B3GALT1: variants seen among roughly 807,000 people sequenced by gnomAD.
B3GALT1 encodes beta-1,3-galactosyltransferase 1.
In B3GALT1, 10 loss-of-function variants were observed where a neutral mutation model predicts 23.2. That is an observed-to-expected ratio of 0.43 (90% confidence interval 0.27 to 0.73). The LOEUF is 0.73. B3GALT1 is among the 30% of genes least tolerant of loss of function. B3GALT1 has a pLI of 0.21. For missense variants in B3GALT1, 299 were observed against 405.4 expected, an observed-to-expected ratio of 0.74 and a Z score of 2.25; for synonymous variants, 156 against 141.5, an observed-to-expected ratio of 1.10 and a Z score of -0.73.
intron 2 of B3GALT1, among the ~76,000 whole-genome samples, chr2:167,533,208 A>G (rs1480917854): frequency 6.6e-6 from 1 of 151,930 alleles, no homozygotes; most frequent in African/African-American, 2.4e-5. Context: ...CACTTGACTC[A>G]TTTCACTAGC....
Position 167,645,399 on chromosome 2 carries a change from A to G in B3GALT1, c.-409-1510A>G, listed in dbSNP as rs183310646. Among the ~76,000 whole-genome samples the G allele has an allele frequency of 6.9e-4, 105 of 152,254 alleles. 3 individuals carry two copies. The Middle Eastern group carries it at 0.02, about 30-fold the overall frequency. ...TGATGCAGACAAGATAAAATATTTA[A>G]CTATCAAATTATGAACACAGAAAGG... On this transcript the variant is annotated intron_variant, in intron 2 of 4. Transcript: ENST00000392690.
chr2:167,323,287 A>G (rs1696841213), intron 1 of B3GALT1, among the ~76,000 whole-genome samples: 1 of 152,070 alleles, frequency 6.6e-6, no homozygotes, highest in Non-Finnish European at 1.5e-5. Context: ...ATATACGAAA[A>G]ATTCATTTTA....
At chr2:167,743,657 G>C (rs896012042) in intron 3 of B3GALT1, among the ~76,000 whole-genome samples, 1 of 151,776 alleles carries the variant, frequency 6.6e-6, no homozygotes, top group Admixed American at 6.6e-5. Flanking sequence ...CTGATATATT[G>C]GTAGTTTATG....
intron 3 of B3GALT1, among the ~76,000 whole-genome samples, chr2:167,703,411 A>G (rs934066329): frequency 1.3e-5 from 2 of 152,194 alleles, no homozygotes; most frequent in South Asian, 2.1e-4. Flanking sequence ...CCCCTGACCC[A>G]TGCTGAAGTG....
chr2:167,369,552 A>C (rs1453362145), intron 1 of B3GALT1, among the ~76,000 whole-genome samples: 1 of 152,212 alleles, frequency 6.6e-6, no homozygotes, highest in Non-Finnish European at 1.5e-5. Flanking sequence ...TCACTACCAA[A>C]TCAACTGAGC....
At chr2:167,393,106 T>C (rs112077278) in intron 1 of B3GALT1, among the ~76,000 whole-genome samples, 12,533 of 151,952 alleles carry the variant, frequency 0.082, 1,122 homozygotes, top group African/African-American at 0.22. Flanking sequence ...TGGTGGTGGG[T>C]GCCTGTAGTC....
intron 1 of B3GALT1, among the ~76,000 whole-genome samples, chr2:167,383,723 C>A (rs993344562): frequency 6.6e-6 from 1 of 152,172 alleles, no homozygotes; most frequent in Non-Finnish European, 1.5e-5. Context: ...CTTAGTCTGG[C>A]TGGTATAACT....
intron 3 of B3GALT1, among the ~76,000 whole-genome samples, chr2:167,700,556 A>G (rs184122566): frequency 3.9e-5 from 6 of 152,320 alleles, no homozygotes; most frequent in Admixed American, 3.9e-4. Context: ...TCTAAAGTGT[A>G]TTAGTATGAT....
intron 4 of B3GALT1, among the ~76,000 whole-genome samples, chr2:167,854,603 G>C (rs1302910475): frequency 6.6e-6 from 1 of 152,162 alleles, no homozygotes; most frequent in Admixed American, 6.5e-5. Flanking sequence ...ATCTCATGCT[G>C]CTCACTTCTC....
At chr2:167,465,774 T>A (rs1699334740) in intron 1 of B3GALT1, among the ~76,000 whole-genome samples, 1 of 149,990 alleles carries the variant, frequency 6.7e-6, no homozygotes, top group African/African-American at 2.5e-5. Context: ...GTCTAGTAGT[T>A]GAGATTAAAC....
At chr2:167,666,815 C>T (rs974129865) in intron 3 of B3GALT1, among the ~76,000 whole-genome samples, 6 of 152,112 alleles carry the variant, frequency 3.9e-5, no homozygotes, top group Admixed American at 2.6e-4. Context: ...AGATCTTCCT[C>T]CATCCTTTTA....
At chr2:167,455,724 A>G (rs1487738782) in intron 1 of B3GALT1, among the ~76,000 whole-genome samples, 2 of 151,986 alleles carry the variant, frequency 1.3e-5, no homozygotes, top group African/African-American at 4.8e-5. Flanking sequence ...TATTGGACAC[A>G]CTGGTGTCCA....
At position 167,655,438 on chromosome 2, in the gene B3GALT1, T is replaced by G. The variant is rs1364350553; in HGVS notation, c.-352+8472T>G. Among the ~76,000 whole-genome samples the G allele has an allele frequency of 2.0e-5, 3 of 152,200 alleles. No individual in the cohort carries two copies. In the East Asian group the frequency reaches 5.8e-4, roughly 29 times the overall value. ...AACCACAAATAACACTGACTAAATT[T>G]TATCATGCAAATTTCAAAATTAACA... On this transcript the variant is annotated intron_variant, in intron 3 of 4. Transcript: ENST00000392690.
intron 2 of B3GALT1, among the ~76,000 whole-genome samples, chr2:167,614,970 T>C (rs1010535040): frequency 6.6e-6 from 1 of 151,902 alleles, no homozygotes; most frequent in Non-Finnish European, 1.5e-5. Context: ...AAAATAAGAA[T>C]ATATAAATAC....
intron 2 of B3GALT1, among the ~76,000 whole-genome samples, chr2:167,595,943 C>T (rs1236685279): frequency 6.6e-6 from 1 of 152,174 alleles, no homozygotes; most frequent in Non-Finnish European, 1.5e-5. Context: ...TTCTTACCAC[C>T]TAATACTGCT....
intron 1 of B3GALT1, among the ~76,000 whole-genome samples, chr2:167,356,091 G>A (rs1032682605): frequency 6.6e-6 from 1 of 152,134 alleles, no homozygotes; most frequent in African/African-American, 2.4e-5. Flanking sequence ...GCCCAAGATT[G>A]GTTAAATCTC....
At chr2:167,704,939 A>C (rs760008050) in intron 3 of B3GALT1, among the ~76,000 whole-genome samples, 3 of 151,676 alleles carry the variant, frequency 2.0e-5, no homozygotes, top group Non-Finnish European at 4.4e-5. Flanking sequence ...AAAGAGGGAG[A>C]GAAAGAGAGA....
chr2:167,660,433 G>C (rs761918176), intron 3 of B3GALT1, among the ~76,000 whole-genome samples: 2 of 152,056 alleles, frequency 1.3e-5, no homozygotes, highest in African/African-American at 4.8e-5. Flanking sequence ...TCAGTAGAAG[G>C]AACAAGCTTA....
intron 3 of B3GALT1, among the ~76,000 whole-genome samples, chr2:167,818,443 A>G (rs1390643416): frequency 1.3e-5 from 2 of 152,200 alleles, no homozygotes; most frequent in Admixed American, 6.5e-5. Flanking sequence ...GCTTGAAGGC[A>G]TCTGAGTTTG....
Sources: gnomAD v4.1 joint callset for allele counts (sites outside exome capture counted in the v4.1 genomes callset) on GRCh38, gnomAD v4.1.1 for gene constraint, MANE v1.5 for transcripts, NCBI Gene and HGNC (gene_info 2026-07-23, HGNC 2026-07-21) for gene names.